ADGRV1: variants seen among roughly 807,000 people sequenced by gnomAD.
The protein encoded by ADGRV1 is G-protein coupled receptor 98.
A neutral mutation model predicts 596.2 loss-of-function variants in ADGRV1; 359 were observed. The ratio of observed to expected loss-of-function variants is 0.60; its 90% CI spans 0.55 to 0.66. The LOEUF (loss-of-function observed/expected upper bound fraction) is 0.66. Among genes scored for constraint, ADGRV1 ranks in the 30% least tolerant of loss-of-function variants. The pLI, the probability that ADGRV1 is intolerant of heterozygous loss-of-function variation, is 0.00. For synonymous variants in ADGRV1, 2,681 were observed against 2,679.2 expected (o/e 1.00, Z -0.02); for missense variants, 7,274 against 7,575.6 (o/e 0.96, Z 1.48).
rs891844404 is a variant in ADGRV1 at position 90,690,139 on chromosome 5, C to T, written c.6706+63C>T. 1.7e-5 allele frequency: 17 copies of T among 983,646 alleles called. No individual in the cohort carries two copies. The African/African-American group carries it at 2.6e-4, about 15-fold the overall frequency. The allele number at this position is 983,646 out of a possible 1,614,324, so 60.9% of individuals were successfully genotyped here. ...GCATGTATAGATCATAGATAATGATCTTTACTTTTGGAGACTCAGAATTGA... is the reference window on the plus strand; with the variant it reads ...GCATGTATAGATCATAGATAATGATTTTTACTTTTGGAGACTCAGAATTGA... On this transcript the variant is annotated intron_variant, in intron 30 of 89. Coordinates refer to ENST00000405460, the MANE Select transcript of ADGRV1 (RefSeq NM_032119.4).
chr5:91,108,340 A>T lies in ADGRV1; in HGVS notation c.18432+6000A>T, dbSNP rs1233517303. Among the ~76,000 whole-genome samples the T allele has an allele frequency of 3.3e-5, 5 of 152,062 alleles. No individual in the cohort carries two copies. In the East Asian group the frequency reaches 9.7e-4, roughly 29 times the overall value. On this transcript the variant is annotated intron_variant, in intron 87 of 89. Coordinates refer to ENST00000405460, the MANE Select transcript of ADGRV1 (RefSeq NM_032119.4). ...GAATGGCTTTCATATTTCTCTACTG[A>T]TTTTATCAACACCTGTGACCATAAA... is the stretch of plus-strand genomic sequence containing the variant.
At chr5:90,809,749 T>A (rs1305205200) in intron 73 of ADGRV1, among the ~76,000 whole-genome samples, 1 of 152,248 alleles carries the variant, frequency 6.6e-6, no homozygotes, top group Non-Finnish European at 1.5e-5. Flanking sequence ...GTGTCTGTCC[T>A]CATTCATACA....
chr5:91,025,092 A>G (rs1235113115), intron 85 of ADGRV1, among the ~76,000 whole-genome samples: 1 of 152,170 alleles, frequency 6.6e-6, no homozygotes, highest in African/African-American at 2.4e-5. Flanking sequence ...CTCTGAATCC[A>G]TCATCACAAA....
At chr5:91,097,061 A>G (rs1790938448) in intron 86 of ADGRV1, among the ~76,000 whole-genome samples, 1 of 152,226 alleles carries the variant, frequency 6.6e-6, no homozygotes, top group Non-Finnish European at 1.5e-5. Flanking sequence ...TTTAAGCTTC[A>G]GTATCTCAGT....
intron 83 of ADGRV1, among the ~76,000 whole-genome samples, chr5:90,927,483 C>G (rs188658129): frequency 1.8e-4 from 27 of 152,248 alleles, no homozygotes; most frequent in African/African-American, 6.5e-4. Context: ...TGTCCATTTG[C>G]TTAGTAGATC....
At chr5:90,719,616 C>T (rs572350326) in intron 43 of ADGRV1, among the ~76,000 whole-genome samples, 3 of 152,116 alleles carry the variant, frequency 2.0e-5, no homozygotes, top group African/African-American at 4.8e-5. Flanking sequence ...ATAAAATAGA[C>T]CACTATTGGT....
Position 90,627,432 on chromosome 5 carries a change from A to G in ADGRV1, c.894A>G (p.Glu298=), listed in dbSNP as rs1580504381. 1 of 1,613,900 alleles carries G rather than the reference A, an allele frequency of 6.2e-7. No homozygotes were observed. The highest frequency in any genetic ancestry group is 2.2e-5 in the East Asian group (1 of 44,864). The stretch of plus-strand genomic sequence containing the variant: ...ATGGAAATCTGATTGGATCTGATGA[A>G]TATGAGGTTTCAATCAGTTATGCTG... The part of the protein sequence containing the change: ...DNNGNLIGSD[E]YEVSISYAVT... Residue 298 remains glutamate, a synonymous_variant, in exon 7 of 90, where the codon GAA becomes GAG. Coordinates refer to ENST00000405460, the MANE Select transcript of ADGRV1 (RefSeq NM_032119.4).
Position 90,763,421 on chromosome 5 carries a change from G to A in ADGRV1, c.12237G>A (p.Lys4079=), listed in dbSNP as rs1226633107. ...TVRLEWTIDE[K]AKHNLSPLNG... ...GACTTGAGTGGACCATAGATGAGAA[G>A]GCTAAACATAACCTTAGTCCTTTGA... Residue 4079 remains lysine (K), a synonymous_variant, in exon 59 of 90, where the codon AAG becomes AAA. Coordinates refer to ENST00000405460, the MANE Select transcript of ADGRV1 (RefSeq NM_032119.4). 2.5e-6 allele frequency: 4 copies of A among 1,613,694 alleles called. No individual in the cohort carries two copies. Among genetic ancestry groups the A allele is most frequent in the Non-Finnish European group, 3.4e-6 (4 of 1,179,698 alleles).
Position 90,653,442 on chromosome 5 carries a change from A to C in ADGRV1, c.3868A>C (p.Ser1290Arg). 1 of 1,613,954 alleles carries C rather than the reference A, an allele frequency of 6.2e-7. No individual in the cohort carries two copies. The highest frequency in any genetic ancestry group is 8.5e-7 in the Non-Finnish European group (1 of 1,179,884). The change falls in exon 20 of 90, where the codon AGT (serine) becomes CGT (arginine). Residue 1290 changes from serine to arginine, a missense_variant. By Grantham distance (110) the Ser-to-Arg change is moderately radical (BLOSUM62 -1). Coordinates refer to ENST00000405460, the MANE Select transcript of ADGRV1 (RefSeq NM_032119.4). ...DVQLGWEILS[S>R]EFPAGLPPMI... ...ACAACTGGGCTGGGAAATACTGTCC[A>C]GTGAGTTCCCTGCTGGTTTGCCACC...
Position 90,704,453 on chromosome 5 carries a change from T to C in ADGRV1, c.8351T>C (p.Val2784Ala), listed in dbSNP as rs1230063727. 6.3e-7 allele frequency: 1 copy of C among 1,578,316 alleles called. No individual in the cohort carries two copies. The highest frequency in any genetic ancestry group is 8.6e-7 in the Non-Finnish European group (1 of 1,159,850). The change falls in exon 36 of 90, where the codon GTA (valine) becomes GCA (alanine). Residue 2784 changes from valine (V) to alanine (A), a missense_variant. Around this residue, in one of 5 missense-constraint regions of ADGRV1, gnomAD observed 3,643 missense variants for 3,809.2 expected, o/e 0.96. Transcript: ENST00000405460. ...GACAACATTCCTGAGGAGAAAGAAG[T>C]ATACCAAGTCATTCTGTATGATGTC... ...LDDNIPEEKEVYQVILYDVRT... is the reference protein window; with the variant it reads ...LDDNIPEEKEAYQVILYDVRT...
At position 90,759,313 on chromosome 5, in the gene ADGRV1, C is replaced by T. The variant is rs76883417; in HGVS notation, c.11941-96C>T. Reference sequence around the variant, plus strand: ...TCAACTAAAAAATTAAAATATATGTCAGCAAAAACTGTGATTACATTATTT... The same window carrying T: ...TCAACTAAAAAATTAAAATATATGTTAGCAAAAACTGTGATTACATTATTT... On this transcript the variant is annotated intron_variant, in intron 57 of 89. Transcript: ENST00000405460. 4.7e-5 allele frequency: 43 copies of T among 923,054 alleles called. No homozygotes were observed. In the Admixed American group the frequency reaches 1.1e-3, roughly 25 times the overall value. The allele number at this position is 923,054 out of a possible 1,614,324, so 57.2% of individuals were successfully genotyped here.
intron 27 of ADGRV1, 149 bp downstream of exon 27, chr5:90,681,603 A>G (rs1744939163): frequency 2.8e-6 from 2 of 725,184 alleles, no homozygotes; most frequent in Non-Finnish European, 4.2e-6. Flanking sequence ...TTGGTGATCA[A>G]ACAGTCGTTT....
intron 85 of ADGRV1, among the ~76,000 whole-genome samples, chr5:91,063,943 A>G (rs894818761): frequency 1.3e-5 from 2 of 152,164 alleles, no homozygotes; most frequent in African/African-American, 4.8e-5. Flanking sequence ...AGTGCTGTGC[A>G]TTTATTGTAA....
intron 21 of ADGRV1, among the ~76,000 whole-genome samples, chr5:90,665,818 C>T (rs1313226229): frequency 2.2e-4 from 33 of 151,402 alleles, no homozygotes; most frequent in Admixed American, 7.9e-4. Flanking sequence ...GTTGTGTCTT[C>T]GTTCTTGTTG....
At position 90,823,541 on chromosome 5, in the gene ADGRV1, C is replaced by G. The variant is rs745477465; in HGVS notation, c.16313C>G (p.Thr5438Ser). The G allele has an allele frequency of 6.2e-7, 1 of 1,613,936 alleles. No individual in the cohort carries two copies. The highest frequency in any genetic ancestry group is 8.5e-7 in the Non-Finnish European group (1 of 1,179,850). ...EELQSVSGTT[T>S]CTMGQTKCFI... Reference sequence around the variant, plus strand: ...CTTCAGTCTGTGTCAGGGACCACAACCTGTACAATGGGTCAAACAAAATGC... The same window carrying G: ...CTTCAGTCTGTGTCAGGGACCACAAGCTGTACAATGGGTCAAACAAAATGC... The change falls in exon 76 of 90, where the codon ACC (threonine) becomes AGC (serine). Residue 5438 changes from threonine to serine, a missense_variant. By Grantham distance (58) the Thr-to-Ser change is moderately conservative. Coordinates refer to ENST00000405460, the MANE Select transcript of ADGRV1 (RefSeq NM_032119.4).
intron 70 of ADGRV1, among the ~76,000 whole-genome samples, chr5:90,795,766 A>G (rs1760633200): frequency 6.6e-6 from 1 of 152,210 alleles, no homozygotes; most frequent in African/African-American, 2.4e-5. Flanking sequence ...GGCATCTGGC[A>G]GGTGCCCCGC....
Position 90,840,600 on chromosome 5 carries a change from T to C in ADGRV1, c.16634T>C (p.Ile5545Thr), listed in dbSNP as rs762449554. The stretch of plus-strand genomic sequence containing the variant: ...TAGGAGTTGAGGAGTGCTGAAACAA[T>C]TGGTCGTACCATCATATCTCCAGCT... ...STQELRSAET[I>T]GRTIISPAIS... Residue 5545 changes from isoleucine to threonine, a missense_variant, in exon 78 of 90, where the codon ATT becomes ACT. By Grantham distance (89) the Ile-to-Thr change is moderately conservative. This residue lies in a region of ADGRV1 where 1,874 missense variants were observed against 1,970.2 expected (regional missense o/e 0.95). Transcript: ENST00000405460. 5.0e-6 allele frequency: 8 copies of C among 1,606,884 alleles called. No homozygotes were observed. Among genetic ancestry groups the C allele is most frequent in the Non-Finnish European group, 6.8e-6 (8 of 1,175,092 alleles).
At chr5:90,750,496 A>G in intron 52 of ADGRV1, 55 bp from the exon 53 acceptor site, 1 of 1,457,818 alleles carries the variant, frequency 6.9e-7, no homozygotes, top group African/African-American at 1.4e-5. Flanking sequence ...CAAAAAAAGA[A>G]GTCTGATTAG....
intron 32 of ADGRV1, among the ~76,000 whole-genome samples, chr5:90,693,137 G>GTTTTTTTTTTTTTT (rs138813234): frequency 2.3e-5 from 3 of 131,772 alleles, no homozygotes; most frequent in Non-Finnish European, 3.2e-5. Context: ...TTCCAGGTCT[G>GTTTTTTTTTTTTTT]TTTTTTTTTT....
Sources: allele counts gnomAD v4.1 joint callset (sites outside exome capture counted in the v4.1 genomes callset), GRCh38; gene constraint gnomAD v4.1.1; regional missense constraint gnomAD v4.1.1; transcripts MANE v1.5; gene names NCBI Gene and HGNC (gene_info 2026-07-23, HGNC 2026-07-21).